The following NLRP11 variants were observed in gnomAD, a reference collection of about 807,000 sequenced individuals.
NLRP11 encodes NACHT, LRR and PYD domains-containing protein 11.
NLRP11 carries 53 observed loss-of-function variants against 79.3 expected under a neutral mutation model. That is an observed-to-expected ratio of 0.67 (90% CI 0.54 to 0.84). NLRP11 has a LOEUF of 0.84. NLRP11 is among the 40% of genes least tolerant of loss of function. The probability of loss-of-function intolerance (pLI) is 0.00; values close to 1 mark genes in which losing one functional copy is unlikely to be tolerated. For missense variants in NLRP11, 1,264 were observed against 1,255.0 expected, an observed-to-expected ratio of 1.01 and a Z score of -0.11; for synonymous variants, 518 against 462.6, an observed-to-expected ratio of 1.12 and a Z score of -1.54.
At chr19:55,831,100 A>ACCCCCCCCACCCCCCCGCCCC (rs1982728246) in intron 1 of NLRP11, among the ~76,000 whole-genome samples, 1 of 27,522 alleles carries the variant, frequency 3.6e-5, no homozygotes. Flanking sequence ...CCACCGCCCC[A>ACCCCCCCCACCCCCCCGCCCC]CCCCCCCCAT....
At chr19:55,795,702 C>A (rs1007639826) in intron 6 of NLRP11, among the ~76,000 whole-genome samples, 3 of 152,022 alleles carry the variant, frequency 2.0e-5, no homozygotes, top group Non-Finnish European at 2.9e-5. Context: ...GTTGGCCAGG[C>A]TGGTCTTGAA....
chr19:55,790,255 C>A (rs1032027721), intron 7 of NLRP11, among the ~76,000 whole-genome samples: 6 of 152,150 alleles, frequency 3.9e-5, no homozygotes, highest in Non-Finnish European at 8.8e-5. Context: ...CAGGAGTTGA[C>A]GGCCTTTCTC....
At chr19:55,819,677 T>G (rs1981493396) in intron 1 of NLRP11, among the ~76,000 whole-genome samples, 1 of 151,794 alleles carries the variant, frequency 6.6e-6, no homozygotes, top group African/African-American at 2.4e-5. Context: ...AAAAAGAAAG[T>G]TGGAGAATGG....
chr19:55,823,579 G>A (rs1434534568), intron 1 of NLRP11, among the ~76,000 whole-genome samples: 2 of 143,574 alleles, frequency 1.4e-5, no homozygotes, highest in South Asian at 2.2e-4. Flanking sequence ...GGAGCTGATG[G>A]AGCTGAAAAC....
At chr19:55,787,307 T>C (rs1384799035) in intron 9 of NLRP11, among the ~76,000 whole-genome samples, 1 of 152,176 alleles carries the variant, frequency 6.6e-6, no homozygotes, top group Admixed American at 6.5e-5. Flanking sequence ...CACACTCTTG[T>C]ATCATCTTTG....
chr19:55,821,264 T>G, intron 1 of NLRP11, among the ~76,000 whole-genome samples: 1 of 148,720 alleles, frequency 6.7e-6, no homozygotes, highest in East Asian at 2.0e-4. Context: ...AAGCACTGAG[T>G]TTGTAATGAT....
chr19:55,809,525 C>T lies in NLRP11; in HGVS notation c.1085G>A (p.Cys362Tyr). ...ATGTAGATCAGTGGGTGTTTGGCAG[C>T]AGAGCTGGAAGTCACGCCCCTTGTC... The change falls in exon 3 of 10, where the codon TGC (cysteine) becomes TAC (tyrosine). Residue 362 changes from cysteine to tyrosine, a missense_variant. Coordinates refer to ENST00000589093, the Ensembl canonical transcript of NLRP11. This position sits in a 1 kb window ranked among gnomAD's most constrained non-coding sequence, Gnocchi z 4.5. 1 of 1,614,148 alleles carries T rather than the reference C, an allele frequency of 6.2e-7. No homozygotes were observed. Among genetic ancestry groups the T allele is most frequent in the Non-Finnish European group, 8.5e-7 (1 of 1,180,026 alleles).
At chr19:55,814,598 A>T (rs1047140205) in intron 2 of NLRP11, among the ~76,000 whole-genome samples, 1 of 152,226 alleles carries the variant, frequency 6.6e-6, no homozygotes, top group Non-Finnish European at 1.5e-5. Context: ...AAAATTACTA[A>T]TTCTGGAAGA....
At chr19:55,806,121 C>A (rs1432308920) in intron 4 of NLRP11, among the ~76,000 whole-genome samples, 1 of 152,210 alleles carries the variant, frequency 6.6e-6, no homozygotes, top group African/African-American at 2.4e-5. Context: ...TGCTTTTCTC[C>A]CCAATCACTT....
intron 1 of NLRP11, among the ~76,000 whole-genome samples, chr19:55,830,416 G>A (rs1175053246): frequency 1.3e-5 from 2 of 152,102 alleles, no homozygotes; most frequent in Admixed American, 6.5e-5. Context: ...CCTAAACACT[G>A]TTGTATGAGC....
intron 5 of NLRP11, chr19:55,798,357 A>C: frequency 1.0e-6 from 1 of 984,520 alleles, no homozygotes; most frequent in Non-Finnish European, 1.2e-6. Flanking sequence ...AAAAGGACAG[A>C]GTCACAAGAT....
At chr19:55,815,544 A>T (rs1981034109) in intron 2 of NLRP11, among the ~76,000 whole-genome samples, 1 of 151,758 alleles carries the variant, frequency 6.6e-6, no homozygotes, top group African/African-American at 2.4e-5. Context: ...AAAAAAAAAA[A>T]AGAATTTAGC....
At chr19:55,787,600 GTGCTGGAATTACAGGCA>G in intron 9 of NLRP11, among the ~76,000 whole-genome samples, 1 of 152,312 alleles carries the variant, frequency 6.6e-6, no homozygotes, top group Non-Finnish European at 1.5e-5. Flanking sequence ...GCCTTCCAAA[GTGCTGGAATTACAGGCA>G]TGAACCACAG....
Position 55,809,370 on chromosome 19 carries a change from C to A in NLRP11, c.1240G>T (p.Gly414Cys), listed in dbSNP as rs768432329. The A allele has an allele frequency of 1.2e-6, 2 of 1,614,174 alleles. No homozygotes were observed. Among genetic ancestry groups the A allele is most frequent in the Non-Finnish European group, 1.7e-6 (2 of 1,180,034 alleles). ...AACCCAACACATCTGAGGTCTTCAC[C>A]ACTGAAATTCAGGGTGCTCAGAAAC... The change falls in exon 3 of 10, where the codon GGT (glycine) becomes TGT (cysteine). Residue 414 changes from glycine (G) to cysteine (C), a missense_variant. By Grantham distance (159) the Gly-to-Cys change is radical. Coordinates refer to ENST00000589093, the Ensembl canonical transcript of NLRP11. The surrounding 1 kb of genome is among the most constrained non-coding windows in gnomAD (Gnocchi z 4.5).
In NLRP11 at chr19:55,809,973, G is replaced by T. The variant is rs374420607; in HGVS notation, c.637C>A (p.Pro213Thr). Reference sequence around the variant, plus strand: ...GGATCAGACAGGATGTCTGCAATGGGAGCCTGGCCGTCAGGCCAGTCCTTG... The same window carrying T: ...GGATCAGACAGGATGTCTGCAATGGTAGCCTGGCCGTCAGGCCAGTCCTTG... The change falls in exon 3 of 10, where the codon CCC (proline) becomes ACC (threonine). Residue 213 changes from proline to threonine, a missense_variant. By Grantham distance (38) the Pro-to-Thr change is conservative (BLOSUM62 -1). Transcript: ENST00000589093. The surrounding 1 kb of genome is among the most constrained non-coding windows in gnomAD (Gnocchi z 4.5). 6.2e-7 allele frequency: 1 copy of T among 1,614,154 alleles called. No homozygotes were observed. The highest frequency in any genetic ancestry group is 8.5e-7 in the Non-Finnish European group (1 of 1,180,024).
chr19:55,796,063 C>G lies in NLRP11; in HGVS notation c.2342+17G>C, dbSNP rs533178308. On this transcript the variant is annotated intron_variant, in intron 6 of 9. Coordinates refer to ENST00000589093, the Ensembl canonical transcript of NLRP11. ...AGTCTGAGCTTCTACGTGGTGAGCT[C>G]GTCTAAGCCAACTTACACCAGTGAT... The G allele has an allele frequency of 6.2e-7, 1 of 1,600,216 alleles. No homozygotes were observed.
chr19:55,805,334 T>C (rs1433820663), intron 4 of NLRP11, among the ~76,000 whole-genome samples: 3 of 151,882 alleles, frequency 2.0e-5, no homozygotes, highest in Admixed American at 6.6e-5. Context: ...GAGGATCCTA[T>C]GGCAAATCCA....
Position 55,801,511 on chromosome 19 carries a change from T to C in NLRP11, c.2171+61A>G, listed in dbSNP as rs2122772573. 6.5e-6 allele frequency: 9 copies of C among 1,387,910 alleles called. No homozygotes were observed. The South Asian group carries it at 9.7e-5, about 15-fold the overall frequency. 86.0% of individuals were successfully genotyped at this position (1,387,910 alleles called of 1,614,324 possible). A position where few individuals can be genotyped will look rare whatever the true frequency, so the allele number is the denominator to read the frequency against. On this transcript the variant is annotated intron_variant, in intron 5 of 9. Coordinates refer to ENST00000589093, the Ensembl canonical transcript of NLRP11. Reference sequence around the variant, plus strand: ...TAGTGTTATTGAAGGGGCACCTCTATCCACCAACACCCAGGCATTCCCCTC... The same window carrying C: ...TAGTGTTATTGAAGGGGCACCTCTACCCACCAACACCCAGGCATTCCCCTC...
At chr19:55,808,870 G>T in exon 3 of NLRP11, 1 of 1,613,528 alleles carries the variant, frequency 6.2e-7, no homozygotes. Flanking sequence ...AGTATAATGA[G>T]ACCATCATAT....
Sources: allele counts gnomAD v4.1 joint callset (sites outside exome capture counted in the v4.1 genomes callset), GRCh38; gene constraint gnomAD v4.1.1; non-coding constraint Gnocchi (gnomAD v3.1); transcripts MANE v1.5; gene names NCBI Gene and HGNC (gene_info 2026-07-23, HGNC 2026-07-21).